SORBS2: variants seen among roughly 807,000 people sequenced by gnomAD.
SORBS2 encodes the protein sorbin and SH3 domain-containing protein 2.
SORBS2 carries 46 observed loss-of-function variants against 97.7 expected under a neutral mutation model. That is an observed-to-expected ratio of 0.47 (90% confidence interval 0.37 to 0.60). SORBS2 has a LOEUF of 0.60. SORBS2 is among the 20% of genes least tolerant of loss of function. The pLI is 0.00. For missense variants in SORBS2, 1,316 were observed against 1,282.3 expected, an observed-to-expected ratio of 1.03 and a Z score of -0.40; for synonymous variants, 476 against 473.4, an observed-to-expected ratio of 1.01 and a Z score of -0.07.
intron 11 of SORBS2, among the ~76,000 whole-genome samples, chr4:185,613,059 TCA>T (rs2096566726): frequency 6.6e-6 from 1 of 152,208 alleles, no homozygotes; most frequent in Non-Finnish European, 1.5e-5. Context: ...GCTGCAGAAC[TCA>T]GTTTAAACTT....
At chr4:185,756,906 A>G (rs2098834894) in intron 2 of SORBS2, 2 of 1,144,916 alleles carry the variant, frequency 1.7e-6, no homozygotes, top group East Asian at 2.5e-5. Flanking sequence ...TAATTCCTGA[A>G]TGGTCCATAT....
intron 1 of SORBS2, among the ~76,000 whole-genome samples, chr4:185,794,933 A>G (rs531758682): frequency 9.8e-5 from 15 of 152,288 alleles, no homozygotes; most frequent in African/African-American, 3.4e-4. Flanking sequence ...GGCTCCCAGC[A>G]GCAATACCCC....
intron 2 of SORBS2, among the ~76,000 whole-genome samples, chr4:185,686,488 T>C (rs1265707805): frequency 1.3e-5 from 2 of 152,052 alleles, no homozygotes; most frequent in African/African-American, 4.8e-5. Flanking sequence ...CCAAAGAAAG[T>C]GACACAAATG....
chr4:185,761,044 A>G (rs2098885124), intron 2 of SORBS2, among the ~76,000 whole-genome samples: 1 of 152,254 alleles, frequency 6.6e-6, no homozygotes, highest in Non-Finnish European at 1.5e-5. Context: ...AAGGAAATAT[A>G]TCTTTTATGT....
rs115667015 is a variant in SORBS2 at position 185,834,108 on chromosome 4, C to A, written c.-337-58742G>T. ...GTAAACACAAAGTATAAAATATATA[C>A]ACCTGTATTAGTCAATTCTCGTGCT... is the stretch of plus-strand genomic sequence containing the variant. On this transcript the variant is annotated intron_variant, in intron 1 of 20. Coordinates refer to the SORBS2 transcript ENST00000284776. Among the ~76,000 whole-genome samples the A allele has an allele frequency of 6.1e-3, 932 of 152,244 alleles. 12 individuals carry two copies. The highest frequency in any genetic ancestry group is 0.022 in the African/African-American group (905 of 41,548).
intron 1 of SORBS2, among the ~76,000 whole-genome samples, chr4:185,942,346 G>A (rs955662892): frequency 3.8e-5 from 5 of 130,544 alleles, no homozygotes; most frequent in Admixed American, 8.5e-5. Flanking sequence ...ATTTCCCTAG[G>A]TTTATATTTT....
rs192436400 is a variant in SORBS2, at chr4:185,878,454, C to T, written c.-338+77742G>A. On this transcript the variant is annotated intron_variant, in intron 1 of 20. Transcript: ENST00000284776. ...TTCCCCATCTTGGTAAATGACACCT[C>T]CATCTACCAATTTATTGAGTCAGAA... Among the ~76,000 whole-genome samples, 567 of 152,270 alleles carry T rather than the reference C, an allele frequency of 3.7e-3. 2 individuals are homozygous for T. Among genetic ancestry groups the T allele is most frequent in the Non-Finnish European group, 5.9e-3 (399 of 68,020 alleles).
rs886761198 is a variant in SORBS2, at chr4:185,821,953, C to T, written c.-337-46587G>A. On this transcript the variant is annotated intron_variant, in intron 1 of 20. Transcript: ENST00000284776. ...GGAGATATCAACAAAATGAAGGACCCATAAATTATAAGACATACCACTATT... is the reference window on the plus strand; with the variant it reads ...GGAGATATCAACAAAATGAAGGACCTATAAATTATAAGACATACCACTATT... 5.3e-5 allele frequency among the ~76,000 whole-genome samples: 8 copies of T among 152,072 alleles called. 1 individual carries two copies. The highest frequency in any genetic ancestry group is 4.6e-4 in the Admixed American group (7 of 15,264).
intron 2 of SORBS2, among the ~76,000 whole-genome samples, chr4:185,705,858 C>G (rs1348477908): frequency 6.6e-6 from 1 of 152,122 alleles, no homozygotes; most frequent in African/African-American, 2.4e-5. Context: ...GGCCTTTCTT[C>G]TGAGTTGCTA....
At chr4:185,657,345 T>G (rs1158536582), upstream of SORBS2, 4 of 1,330,130 alleles carry the variant, frequency 3.0e-6, no homozygotes, top group Non-Finnish European at 4.0e-6. Context: ...ACCCTAGGAA[T>G]GCACAAAGCC....
chr4:185,816,236 A>G (rs1044990374), intron 1 of SORBS2, among the ~76,000 whole-genome samples: 33 of 150,676 alleles, frequency 2.2e-4, no homozygotes, highest in African/African-American at 7.1e-4. Context: ...CACTGCTTGA[A>G]GCAATAGGTT....
intron 2 of SORBS2, among the ~76,000 whole-genome samples, chr4:185,711,664 A>G (rs2098421690): frequency 6.6e-6 from 1 of 152,114 alleles, no homozygotes; most frequent in South Asian, 2.1e-4. Context: ...CAAATTCCCA[A>G]CATATGTTGG....
chr4:185,740,985 G>A (rs1284657745), intron 2 of SORBS2, among the ~76,000 whole-genome samples: 1 of 151,864 alleles, frequency 6.6e-6, no homozygotes, highest in Non-Finnish European at 1.5e-5. Context: ...ACTCAAACCA[G>A]CACTAACTCG....
chr4:185,829,080 G>A (rs1308531086), intron 1 of SORBS2, among the ~76,000 whole-genome samples: 2 of 152,156 alleles, frequency 1.3e-5, no homozygotes, highest in African/African-American at 4.8e-5. Context: ...CCTTTTCAAA[G>A]CCAAAACCTG....
chr4:185,878,213 C>T (rs1246004779), intron 1 of SORBS2, among the ~76,000 whole-genome samples: 1 of 151,952 alleles, frequency 6.6e-6, no homozygotes, highest in Non-Finnish European at 1.5e-5. Context: ...GCAGGTATAC[C>T]AGATAAGTGT....
intron 1 of SORBS2, among the ~76,000 whole-genome samples, chr4:185,903,813 A>T (rs777709701): frequency 6.6e-6 from 1 of 152,212 alleles, no homozygotes; most frequent in Non-Finnish European, 1.5e-5. Flanking sequence ...TAAAGGATTC[A>T]TGTTCAAGGG....
At chr4:185,820,032 G>T (rs77844695) in intron 1 of SORBS2, among the ~76,000 whole-genome samples, 1 of 152,140 alleles carries the variant, frequency 6.6e-6, no homozygotes, top group African/African-American at 2.4e-5. Context: ...TAGCATAAAA[G>T]GGTATTAGGT....
At chr4:185,624,409 G>T (rs1247507768) in exon 7 of SORBS2, 5 of 1,614,128 alleles carry the variant, frequency 3.1e-6, no homozygotes, top group Non-Finnish European at 4.2e-6. Flanking sequence ...GTCTGTAAGT[G>T]CTACAGTAAT....
At chr4:185,863,757 A>G (rs1218363980) in intron 1 of SORBS2, among the ~76,000 whole-genome samples, 1 of 152,188 alleles carries the variant, frequency 6.6e-6, no homozygotes, top group Admixed American at 6.5e-5. Context: ...GTGAAAAATC[A>G]GCTTGTCCAT....
Sources: gnomAD v4.1 joint callset for allele counts (sites outside exome capture counted in the v4.1 genomes callset) on GRCh38, gnomAD v4.1.1 for gene constraint, MANE v1.5 for transcripts, NCBI Gene and HGNC (gene_info 2026-07-23, HGNC 2026-07-21) for gene names.